The following PCDHGA11 variants were observed in gnomAD, a reference collection of about 807,000 sequenced individuals.
PCDHGA11 encodes the protein protocadherin gamma subfamily A, 11.
Under a neutral mutation model 60.4 loss-of-function variants are expected in PCDHGA11, and 39 were observed. The ratio of observed to expected loss-of-function variants is 0.65; its 90% CI spans 0.50 to 0.84. The LOEUF is 0.84. Among genes scored for constraint, PCDHGA11 ranks in the 40% least tolerant of loss-of-function variants. PCDHGA11 has a pLI of 0.00. For synonymous variants in PCDHGA11, 533 were observed against 510.3 expected (o/e 1.04, Z -0.60); for missense variants, 1,165 against 1,197.7 (o/e 0.97, Z 0.40).
In PCDHGA11 at chr5:141,421,835, G is replaced by T; in HGVS notation, c.608G>T (p.Arg203Leu). 1 of 1,613,746 alleles carries T rather than the reference G, an allele frequency of 6.2e-7. No individual in the cohort carries two copies. ...PELVLEGSLDREKEAAHLLLL... is the reference protein window; with the variant it reads ...PELVLEGSLDLEKEAAHLLLL... Reference sequence around the variant, plus strand: ...CTAGTACTGGAGGGAAGCCTGGACCGAGAGAAAGAGGCTGCTCACCTGCTC... The same window carrying T: ...CTAGTACTGGAGGGAAGCCTGGACCTAGAGAAAGAGGCTGCTCACCTGCTC... Residue 203 changes from arginine to leucine, a missense_variant, in exon 1 of 4, where the codon CGA becomes CTA. Arg to Leu is a moderately radical substitution (Grantham distance 102, BLOSUM62 -2). Coordinates refer to ENST00000398587, the MANE Select transcript of PCDHGA11 (RefSeq NM_018914.3).
chr5:141,489,660 G>A lies in PCDHGA11; in HGVS notation c.2434-5147G>A, dbSNP rs763985085. 3 of 1,614,096 alleles carry A rather than the reference G, an allele frequency of 1.9e-6. No individual in the cohort carries two copies. Among genetic ancestry groups the A allele is most frequent in the Non-Finnish European group, 2.5e-6 (3 of 1,180,036 alleles). On this transcript the variant is annotated intron_variant, in intron 1 of 3. Coordinates refer to ENST00000398587, the MANE Select transcript of PCDHGA11 (RefSeq NM_018914.3). The surrounding 1 kb of genome is among the most constrained non-coding windows in gnomAD (Gnocchi z 4.5). Reference sequence around the variant, plus strand: ...GCTTTGCCACCCCTGAGCGAGAGATGCGCATCTCAGAATCAGCAGCATCTG... The same window carrying A: ...GCTTTGCCACCCCTGAGCGAGAGATACGCATCTCAGAATCAGCAGCATCTG...
intron 1 of PCDHGA11, among the ~76,000 whole-genome samples, chr5:141,464,748 T>A (rs995568259): frequency 2.0e-5 from 3 of 152,190 alleles, no homozygotes; most frequent in Admixed American, 2.0e-4. Flanking sequence ...TATCTTTTTG[T>A]TTTTTTAGAG....
In PCDHGA11 at chr5:141,489,091, T is replaced by TCAG. The variant is rs2099682519; in HGVS notation, c.2434-5716_2434-5715insCAG. On this transcript the variant is annotated intron_variant, in intron 1 of 3. Transcript: ENST00000398587. This position sits in a 1 kb window ranked among gnomAD's most constrained non-coding sequence, Gnocchi z 4.5. ...CTGCCCACCCCCGCCACTCGGTGACTAAGAACTGCTGCAAGCAGGCAAACC... is the reference window on the plus strand; with the variant it reads ...CTGCCCACCCCCGCCACTCGGTGACTCAGAAGAACTGCTGCAAGCAGGCAAACC... The TCAG allele has an allele frequency of 3.0e-6, 1 of 333,056 alleles. No individual in the cohort carries two copies. Among genetic ancestry groups the TCAG allele is most frequent in the Non-Finnish European group, 5.5e-6 (1 of 181,380 alleles). 20.6% of individuals were successfully genotyped at this position (333,056 alleles called of 1,614,324 possible). A position where few individuals can be genotyped will look rare whatever the true frequency, so the allele number is the denominator to read the frequency against.
chr5:141,485,641 G>T lies in PCDHGA11; in HGVS notation c.2434-9166G>T. The T allele has an allele frequency of 6.2e-7, 1 of 1,612,012 alleles. No individual in the cohort carries two copies. Among genetic ancestry groups the T allele is most frequent in the Non-Finnish European group, 8.5e-7 (1 of 1,178,470 alleles). On this transcript the variant is annotated intron_variant, in intron 1 of 3. Transcript: ENST00000398587. The surrounding 1 kb of genome is among the most constrained non-coding windows in gnomAD (Gnocchi z 5.7). Reference sequence around the variant, plus strand: ...CAGGACAGCGTTTCCCGTTGGAAAAGGCTCAGGATGCAGATGTGGGGAGCA... The same window carrying T: ...CAGGACAGCGTTTCCCGTTGGAAAATGCTCAGGATGCAGATGTGGGGAGCA...
intron 1 of PCDHGA11, among the ~76,000 whole-genome samples, chr5:141,480,689 C>A (rs1266042791): frequency 6.6e-6 from 1 of 152,126 alleles, no homozygotes; most frequent in Non-Finnish European, 1.5e-5. Flanking sequence ...AATTCTGAAA[C>A]CCAGGCCACA....
rs762490406 is a variant in PCDHGA11 at position 141,421,455 on chromosome 5, C to A, written c.228C>A (p.Phe76Leu). ...TCTCCAGAGGGAAGACACAGCTTTT[C>A]GCTGTGAATCCGCGAAGCGGCAGCT... ...RIVSRGKTQL[F>L]AVNPRSGSLI... The change falls in exon 1 of 4, where the codon TTC becomes TTA. Residue 76 changes from phenylalanine to leucine, a missense_variant. Transcript: ENST00000398587. The A allele has an allele frequency of 6.2e-7, 1 of 1,614,108 alleles. No homozygotes were observed. Among genetic ancestry groups the A allele is most frequent in the South Asian group, 1.1e-5 (1 of 91,090 alleles).
intron 1 of PCDHGA11, among the ~76,000 whole-genome samples, chr5:141,468,777 A>T (rs2099178581): frequency 6.7e-6 from 1 of 150,364 alleles, no homozygotes; most frequent in Non-Finnish European, 1.5e-5. Flanking sequence ...GAGGCAGGAG[A>T]ATGGCGTGAA....
rs766182165 is a variant in PCDHGA11 at position 141,478,048 on chromosome 5, C to T, written c.2434-16759C>T. ...ACACAGATTCACCCAGGCAGACTCT[C>T]ACGGTCTTGATCAAAGACAATGGGG... On this transcript the variant is annotated intron_variant, in intron 1 of 3. Transcript: ENST00000398587. 5.6e-6 allele frequency: 9 copies of T among 1,614,040 alleles called. No homozygotes were observed. In the Admixed American group the frequency reaches 1.0e-4, roughly 18 times the overall value.
chr5:141,446,747 G>A (rs997132200), intron 1 of PCDHGA11, among the ~76,000 whole-genome samples: 10 of 152,190 alleles, frequency 6.6e-5, no homozygotes, highest in African/African-American at 1.4e-4. Context: ...GATTACAGGC[G>A]TGAGCCACCG....
chr5:141,492,320 G>A (rs1001784912), intron 1 of PCDHGA11, among the ~76,000 whole-genome samples: 1 of 152,206 alleles, frequency 6.6e-6, no homozygotes. Flanking sequence ...CTCCTCGCAC[G>A]TGGGCTTACG....
At chr5:141,495,571 C>T (rs1031548699) in intron 2 of PCDHGA11, among the ~76,000 whole-genome samples, 1 of 152,198 alleles carries the variant, frequency 6.6e-6, no homozygotes, top group African/African-American at 2.4e-5. Flanking sequence ...TCTGCCTCTC[C>T]CTCTCTTCTC....
At chr5:141,501,516 C>A (rs763346187) in intron 2 of PCDHGA11, among the ~76,000 whole-genome samples, 1 of 152,010 alleles carries the variant, frequency 6.6e-6, no homozygotes, top group Non-Finnish European at 1.5e-5. Flanking sequence ...GGCCTCCAAG[C>A]TGAAGCCCAG....
intron 2 of PCDHGA11, among the ~76,000 whole-genome samples, chr5:141,498,795 T>C (rs2099785702): frequency 6.6e-6 from 1 of 152,032 alleles, no homozygotes; most frequent in Admixed American, 6.6e-5. Context: ...TAGCCAGGTG[T>C]GGTGGTGCAC....
intron 1 of PCDHGA11, among the ~76,000 whole-genome samples, chr5:141,464,222 G>A (rs1189319398): frequency 2.7e-5 from 4 of 147,818 alleles, no homozygotes; most frequent in African/African-American, 7.5e-5. Flanking sequence ...CTGAGATTGC[G>A]CCACTGCACT....
Position 141,422,800 on chromosome 5 carries a change from C to T in PCDHGA11, c.1573C>T (p.Gln525Ter). Reference sequence around the variant, plus strand: ...TGCCCTACAATCCTTCGACTATGAGCAGTTTCGAGACTTAGAACTGAGAGT... The same window carrying T: ...TGCCCTACAATCCTTCGACTATGAGTAGTTTCGAGACTTAGAACTGAGAGT... ...LYALQSFDYEQFRDLELRVIA... is the reference protein window; with the variant it reads ...LYALQSFDYE The change falls in exon 1 of 4, where the codon CAG becomes TAG. Residue 525 changes from glutamine to a stop codon, truncating the protein, a stop_gained. Coordinates refer to ENST00000398587, the MANE Select transcript of PCDHGA11 (RefSeq NM_018914.3). LOFTEE classifies it high-confidence loss of function. 6.2e-7 allele frequency: 1 copy of T among 1,614,214 alleles called. No individual in the cohort carries two copies. Among genetic ancestry groups the T allele is most frequent in the Non-Finnish European group, 8.5e-7 (1 of 1,180,020 alleles).
chr5:141,422,102 T>A lies in PCDHGA11; in HGVS notation c.875T>A (p.Ile292Lys). The change falls in exon 1 of 4, where the codon ATA becomes AAA. Residue 292 changes from isoleucine to lysine, a missense_variant. By Grantham distance (102) the Ile-to-Lys change is moderately radical. Transcript: ENST00000398587. ...FRNMESKASE[I>K]FQLDSQTGEV... ...AACATGGAAAGCAAGGCTTCTGAAA[T>A]ATTCCAATTGGATTCACAAACTGGA... 1 of 1,609,526 alleles carries A rather than the reference T, an allele frequency of 6.2e-7. No homozygotes were observed. Among genetic ancestry groups the A allele is most frequent in the Non-Finnish European group, 8.5e-7 (1 of 1,178,634 alleles).
Position 141,477,100 on chromosome 5 carries a change from C to T in PCDHGA11, c.2434-17707C>T, listed in dbSNP as rs970613825. Reference sequence around the variant, plus strand: ...TTTACATCCAGGCCAAAGACAAGGGCGCCAATCCCGAAGGAGCACATTGCA... The same window carrying T: ...TTTACATCCAGGCCAAAGACAAGGGTGCCAATCCCGAAGGAGCACATTGCA... On this transcript the variant is annotated intron_variant, in intron 1 of 3. Transcript: ENST00000398587. The surrounding 1 kb of genome is among the most constrained non-coding windows in gnomAD (Gnocchi z 4.9). 1 of 1,614,098 alleles carries T rather than the reference C, an allele frequency of 6.2e-7. No homozygotes were observed. Among genetic ancestry groups the T allele is most frequent in the African/African-American group, 1.3e-5 (1 of 74,932 alleles).
chr5:141,467,535 G>C (rs2099145685), intron 1 of PCDHGA11, among the ~76,000 whole-genome samples: 1 of 152,176 alleles, frequency 6.6e-6, no homozygotes, highest in South Asian at 2.1e-4. Flanking sequence ...GCTGAGATAT[G>C]GATCTGATTA....
In PCDHGA11 at chr5:141,432,172, C is replaced by G. The variant is rs562175068; in HGVS notation, c.2433+8512C>G. On this transcript the variant is annotated intron_variant, in intron 1 of 3. Transcript: ENST00000398587. This position sits in a 1 kb window ranked among gnomAD's most constrained non-coding sequence, Gnocchi z 6.0. ...AGAACAATCCCAGAGGAGTTTCCCTCGTCTCTGTGACCGCCCACGACCCCG... is the reference window on the plus strand; with the variant it reads ...AGAACAATCCCAGAGGAGTTTCCCTGGTCTCTGTGACCGCCCACGACCCCG... 9 of 1,614,034 alleles carry G rather than the reference C, an allele frequency of 5.6e-6. No homozygotes were observed. The highest frequency in any genetic ancestry group is 7.6e-6 in the Non-Finnish European group (9 of 1,180,046).
Sources: allele counts gnomAD v4.1 joint callset (sites outside exome capture counted in the v4.1 genomes callset), GRCh38; gene constraint gnomAD v4.1.1; non-coding constraint Gnocchi (gnomAD v3.1); transcripts MANE v1.5; gene names NCBI Gene and HGNC (gene_info 2026-07-23, HGNC 2026-07-21).